Variants in PRELID2 observed in about 807,000 individuals in gnomAD.
PRELID2 encodes PRELI domain-containing protein 2.
A neutral mutation model predicts 28.4 loss-of-function variants in PRELID2; 25 were observed. That is an observed-to-expected ratio of 0.88 (90% CI 0.64 to 1.23). The LOEUF (loss-of-function observed/expected upper bound fraction) is 1.23, where lower values mean the gene tolerates loss of function less well. Among genes scored for constraint, PRELID2 ranks in the 50% most tolerant of loss-of-function variants. The pLI is 0.00. For missense variants in PRELID2, 201 were observed against 214.4 expected (o/e 0.94, Z 0.39); for synonymous variants, 76 against 71.6 (o/e 1.06, Z -0.31).
chr5:145,504,486 T>C (rs1752389400), intron 1 of PRELID2, among the ~76,000 whole-genome samples: 2 of 152,198 alleles, frequency 1.3e-5, no homozygotes. Context: ...ATCTTTCATG[T>C]TCCAGATCAT....
At chr5:145,566,316 C>A (rs1752966876) in intron 1 of PRELID2, among the ~76,000 whole-genome samples, 1 of 152,160 alleles carries the variant, frequency 6.6e-6, no homozygotes, top group Non-Finnish European at 1.5e-5. Flanking sequence ...GCCAAGTACA[C>A]CACACATCCA....
chr5:145,785,473 G>A (rs1055765870), intron 5 of PRELID2, among the ~76,000 whole-genome samples: 3 of 152,152 alleles, frequency 2.0e-5, no homozygotes, highest in African/African-American at 7.2e-5. Context: ...TGTATACTAC[G>A]ATAGTATGAG....
At chr5:145,672,178 T>G (rs1202460228) in intron 1 of PRELID2, among the ~76,000 whole-genome samples, 3 of 152,114 alleles carry the variant, frequency 2.0e-5, no homozygotes, top group Non-Finnish European at 4.4e-5. Context: ...CAACTTTCTC[T>G]AAATTTGTAT....
intron 1 of PRELID2, among the ~76,000 whole-genome samples, chr5:145,532,222 C>A (rs965304430): frequency 6.6e-6 from 1 of 152,048 alleles, no homozygotes; most frequent in East Asian, 1.9e-4. Flanking sequence ...GTGTGATTAA[C>A]TCTTCTTCAT....
At chr5:145,436,434 C>T in the PRELID2 span, among the ~76,000 whole-genome samples, 2 of 151,976 alleles carry the variant, frequency 1.3e-5, no homozygotes, top group Admixed American at 1.3e-4. Flanking sequence ...ATTTACATTC[C>T]TTTGGATATA....
the PRELID2 span, among the ~76,000 whole-genome samples, chr5:145,439,000 C>A: frequency 6.6e-6 from 1 of 152,120 alleles, no homozygotes. Context: ...GAGCAGCAGC[C>A]ATAGCTTATA....
At chr5:145,634,837 C>A (rs1753979063) in intron 1 of PRELID2, among the ~76,000 whole-genome samples, 1 of 152,186 alleles carries the variant, frequency 6.6e-6, no homozygotes, top group Non-Finnish European at 1.5e-5. Flanking sequence ...TGAAGTCATT[C>A]TTTTAAAATA....
At chr5:145,545,073 A>G (rs1416246906) in intron 1 of PRELID2, among the ~76,000 whole-genome samples, 1 of 152,160 alleles carries the variant, frequency 6.6e-6, no homozygotes, top group African/African-American at 2.4e-5. Flanking sequence ...GAGAATCACA[A>G]AATCTTTTGT....
chr5:145,247,643 A>G, the PRELID2 span, among the ~76,000 whole-genome samples: 2 of 152,158 alleles, frequency 1.3e-5, no homozygotes, highest in Admixed American at 1.3e-4. Context: ...AGGCATGCCC[A>G]GGCCTGCAGC....
chr5:145,302,317 T>G, the PRELID2 span, among the ~76,000 whole-genome samples: 4 of 151,982 alleles, frequency 2.6e-5, no homozygotes, highest in Non-Finnish European at 5.9e-5. Flanking sequence ...TTTGTATTTT[T>G]AGTAGAGAGG....
chr5:145,761,831 T>C (rs1026362066), intron 6 of PRELID2, among the ~76,000 whole-genome samples: 1 of 152,192 alleles, frequency 6.6e-6, no homozygotes, highest in Non-Finnish European at 1.5e-5. Context: ...CTTCTTTTAA[T>C]GTAGCATTTT....
chr5:145,592,622 A>T (rs1332984606), intron 1 of PRELID2, among the ~76,000 whole-genome samples: 2 of 152,194 alleles, frequency 1.3e-5, no homozygotes, highest in Non-Finnish European at 2.9e-5. Flanking sequence ...TTTTTTAAAA[A>T]GTGAAAATCC....
At chr5:145,814,979 C>G (rs10071283) in intron 4 of PRELID2, among the ~76,000 whole-genome samples, 1 of 152,316 alleles carries the variant, frequency 6.6e-6, no homozygotes, top group South Asian at 2.1e-4. Flanking sequence ...CTGTATGTTA[C>G]GACTGCATGT....
chr5:145,835,274 G>A lies in PRELID2; in HGVS notation c.-23C>T. ...CATCCCCGCGCGCCGCGGGCCCCGC[G>A]CACCGGCCACGCCTCCGCGAGCTCA... On this transcript the variant is annotated 5_prime_UTR_variant, in exon 1 of 7. Coordinates refer to ENST00000683046, the MANE Select transcript of PRELID2 (RefSeq NM_205846.3). 1 of 1,529,828 alleles carries A rather than the reference G, an allele frequency of 6.5e-7. No individual in the cohort carries two copies. Among genetic ancestry groups the A allele is most frequent in the Non-Finnish European group, 8.8e-7 (1 of 1,130,422 alleles). The allele number at this position is 1,529,828 out of a possible 1,614,324, so 94.8% of individuals were successfully genotyped here. A position where few individuals can be genotyped will look rare whatever the true frequency, so the allele number is the denominator to read the frequency against.
At chr5:145,294,755 T>A in the PRELID2 span, among the ~76,000 whole-genome samples, 399 of 152,288 alleles carry the variant, frequency 2.6e-3, 1 homozygote, top group African/African-American at 9.1e-3. Context: ...GAACCATGAA[T>A]CCCTACAGTG....
chr5:145,650,455 G>C (rs1581027267), intron 1 of PRELID2, among the ~76,000 whole-genome samples: 2 of 149,034 alleles, frequency 1.3e-5, no homozygotes, highest in South Asian at 4.2e-4. Context: ...TTTGGTCAGA[G>C]ACAATCTGGT....
intron 1 of PRELID2, among the ~76,000 whole-genome samples, chr5:145,574,503 G>T (rs62392716): frequency 0.049 from 7,427 of 152,260 alleles, 412 homozygotes; most frequent in African/African-American, 0.13. Flanking sequence ...GATGGCACTG[G>T]TGCTAGTGAA....
intron 1 of PRELID2, among the ~76,000 whole-genome samples, chr5:145,708,493 GT>G (rs5871939): frequency 0.2 from 29,779 of 150,124 alleles, 3,513 homozygotes; most frequent in African/African-American, 0.34. Context: ...CAATTGTATT[GT>G]TTTTTTCTTG....
At chr5:145,371,842 C>G in the PRELID2 span, among the ~76,000 whole-genome samples, 1 of 143,848 alleles carries the variant, frequency 7.0e-6, no homozygotes. Flanking sequence ...ATTCTTCTCT[C>G]TTTTCTTCTT....
Sources: allele counts gnomAD v4.1 joint callset (sites outside exome capture counted in the v4.1 genomes callset), GRCh38; gene constraint gnomAD v4.1.1; transcripts MANE v1.5; gene names NCBI Gene and HGNC (gene_info 2026-07-23, HGNC 2026-07-21).